KCNK10: variants seen among roughly 807,000 people sequenced by gnomAD.
KCNK10 encodes the protein potassium channel subfamily K member 10.
In KCNK10, 25 loss-of-function variants were observed where a neutral mutation model predicts 47.7. The ratio of observed to expected loss-of-function variants is 0.52; its 90% CI spans 0.38 to 0.73. The LOEUF is 0.73. KCNK10 is among the 30% of genes least tolerant of loss of function. The probability of loss-of-function intolerance (pLI) is 0.00; values close to 1 mark genes in which losing one functional copy is unlikely to be tolerated. For missense variants in KCNK10, 563 were observed against 714.5 expected (o/e 0.79, Z 2.42); for synonymous variants, 303 against 285.6 (o/e 1.06, Z -0.61).
At chr14:88,257,890 A>G (rs572276118) in intron 2 of KCNK10, among the ~76,000 whole-genome samples, 12 of 152,142 alleles carry the variant, frequency 7.9e-5, no homozygotes, top group Non-Finnish European at 1.6e-4. Context: ...GTTGAACTGG[A>G]TAATTCTTTG....
chr14:88,210,021 G>A (rs1885405218), intron 4 of KCNK10, among the ~76,000 whole-genome samples: 1 of 152,210 alleles, frequency 6.6e-6, no homozygotes, highest in Non-Finnish European at 1.5e-5. Context: ...GACTTAACAA[G>A]TCCCTCTCTG....
chr14:88,291,658 G>A (rs1377668175), intron 1 of KCNK10, among the ~76,000 whole-genome samples: 1 of 152,146 alleles, frequency 6.6e-6, no homozygotes, highest in Non-Finnish European at 1.5e-5. Flanking sequence ...TGAACTCAGG[G>A]CTGCCACATT....
intron 4 of KCNK10, among the ~76,000 whole-genome samples, chr14:88,209,820 T>G (rs1268646800): frequency 1.3e-5 from 2 of 152,150 alleles, no homozygotes; most frequent in Admixed American, 6.5e-5. Context: ...CTCTCTCCTC[T>G]CTAATCAATT....
At chr14:88,323,294 G>A (rs760138732), upstream of KCNK10, 772 of 985,558 alleles carry the variant, frequency 7.8e-4, no homozygotes, top group Non-Finnish European at 8.8e-4. Context: ...GCCTCGCTCG[G>A]CCGCGCTGAG....
chr14:88,322,852 T>C lies in KCNK10; in HGVS notation c.-54A>G. ...GAAAAGAACCCAAATAATAATAAAG[T>C]CCTCAAGCTTTACACGCCTCGGTTT... On this transcript the variant is annotated 5_prime_UTR_variant, in exon 1 of 7. Coordinates refer to ENST00000319231, the MANE Select transcript of KCNK10 (RefSeq NM_138317.3). This position sits in a 1 kb window ranked among gnomAD's most constrained non-coding sequence, Gnocchi z 4.8. 1 of 1,613,368 alleles carries C rather than the reference T, an allele frequency of 6.2e-7. No individual in the cohort carries two copies. The highest frequency in any genetic ancestry group is 1.7e-5 in the Admixed American group (1 of 59,986).
At chr14:88,275,440 C>T (rs925311591) in intron 1 of KCNK10, among the ~76,000 whole-genome samples, 1 of 152,128 alleles carries the variant, frequency 6.6e-6, no homozygotes, top group Non-Finnish European at 1.5e-5. Context: ...TCCATTCCAT[C>T]TCAACCACTA....
chr14:88,262,888 A>T (rs979946452), intron 2 of KCNK10, among the ~76,000 whole-genome samples: 6 of 152,168 alleles, frequency 3.9e-5, no homozygotes, highest in African/African-American at 1.4e-4. Context: ...CATTCCACAG[A>T]GTTCAGAATC....
intron 5 of KCNK10, among the ~76,000 whole-genome samples, chr14:88,191,357 A>ACACACACACACACACACAC (rs1884742604): frequency 6.6e-6 from 1 of 151,974 alleles, no homozygotes; most frequent in Non-Finnish European, 1.5e-5. Flanking sequence ...ACACACACAC[A>ACACACACACACACACACAC]CACACACTCC....
rs1885600742 is a variant in KCNK10, at chr14:88,215,836, GTAGTTC to G, written c.681+11533_681+11538del. ...AAACGCTATCCAGGCAGTATTTTAAGTAGTTCTATTTTAGGCAATGTTTGATATCTT... is the reference window on the plus strand; with the variant it reads ...AAACGCTATCCAGGCAGTATTTTAAGTATTTTAGGCAATGTTTGATATCTT... On this transcript the variant is annotated intron_variant, in intron 4 of 6. Coordinates refer to ENST00000319231, the MANE Select transcript of KCNK10 (RefSeq NM_138317.3). Among the ~76,000 whole-genome samples, 2 of 152,184 alleles carry G rather than the reference GTAGTTC, an allele frequency of 1.3e-5. 1 individual carries two copies. Among genetic ancestry groups the G allele is most frequent in the East Asian group, 3.8e-4 (2 of 5,198 alleles).
intron 1 of KCNK10, among the ~76,000 whole-genome samples, chr14:88,278,432 T>C (rs535925504): frequency 3.9e-5 from 6 of 152,310 alleles, no homozygotes; most frequent in Admixed American, 2.0e-4. Context: ...AGTTATAAAA[T>C]TGTGGGACAC....
Position 88,184,264 on chromosome 14 carries a change from T to A in KCNK10, c.*1271A>T, listed in dbSNP as rs893575889. ...TGTTCCAGTTTTAGTGAGTAACCGA[T>A]GTGAGATGTAGAAACAAGCAAGGAG... On this transcript the variant is annotated 3_prime_UTR_variant, in exon 7 of 7. Coordinates refer to ENST00000319231, the MANE Select transcript of KCNK10 (RefSeq NM_138317.3). 2 of 152,282 alleles carry A rather than the reference T, an allele frequency of 1.3e-5. No individual in the cohort carries two copies. Among genetic ancestry groups the A allele is most frequent in the African/African-American group, 4.8e-5 (2 of 41,442 alleles). The allele number at this position is 152,282 out of a possible 1,614,324, so 9.4% of individuals were successfully genotyped here. A position where few individuals can be genotyped will look rare whatever the true frequency, so the allele number is the denominator to read the frequency against.
At chr14:88,292,843 C>G (rs1467881211) in intron 1 of KCNK10, among the ~76,000 whole-genome samples, 1 of 151,858 alleles carries the variant, frequency 6.6e-6, no homozygotes, top group Non-Finnish European at 1.5e-5. Flanking sequence ...AGGCTGGTCT[C>G]AAGCTCCTGG....
chr14:88,242,841 C>T (rs1396703550), intron 2 of KCNK10, among the ~76,000 whole-genome samples: 1 of 152,160 alleles, frequency 6.6e-6, no homozygotes, highest in Non-Finnish European at 1.5e-5. Flanking sequence ...CTGATGAGCC[C>T]ACTTGGAAAT....
intron 1 of KCNK10, among the ~76,000 whole-genome samples, chr14:88,274,632 G>A (rs1339106508): frequency 2.0e-5 from 3 of 148,026 alleles, no homozygotes; most frequent in East Asian, 2.1e-4. Flanking sequence ...AAATCTGTTC[G>A]CTGTGTCCCA....
chr14:88,288,190 C>T (rs992643427), intron 1 of KCNK10, among the ~76,000 whole-genome samples: 2 of 152,154 alleles, frequency 1.3e-5, no homozygotes, highest in African/African-American at 2.4e-5. Flanking sequence ...GCAAAATGTA[C>T]AGCTCTAACG....
At chr14:88,211,892 C>T (rs1885467716) in intron 4 of KCNK10, among the ~76,000 whole-genome samples, 1 of 93,560 alleles carries the variant, frequency 1.1e-5, no homozygotes, top group Non-Finnish European at 2.2e-5. Context: ...TAGACTTCAT[C>T]TCAAAAAAAA....
At chr14:88,290,485 A>G (rs375041775) in intron 1 of KCNK10, among the ~76,000 whole-genome samples, 23 of 152,356 alleles carry the variant, frequency 1.5e-4, no homozygotes, top group African/African-American at 4.8e-4. Context: ...TGCAATTAGT[A>G]ACATGTTCTG....
chr14:88,200,775 A>G (rs1302430305), intron 4 of KCNK10, among the ~76,000 whole-genome samples: 1 of 152,228 alleles, frequency 6.6e-6, no homozygotes, highest in Non-Finnish European at 1.5e-5. Flanking sequence ...TTCACCGGTG[A>G]GTAAAACAAA....
At chr14:88,211,179 G>T (rs2139850921) in intron 4 of KCNK10, among the ~76,000 whole-genome samples, 1 of 152,304 alleles carries the variant, frequency 6.6e-6, no homozygotes, top group South Asian at 2.1e-4. Flanking sequence ...AGCCTTGAAA[G>T]GAAGGAAATT....
Sources: gnomAD v4.1 joint callset for allele counts (sites outside exome capture counted in the v4.1 genomes callset) on GRCh38, gnomAD v4.1.1 for gene constraint, Gnocchi (gnomAD v3.1) non-coding constraint, MANE v1.5 for transcripts, NCBI Gene and HGNC (gene_info 2026-07-23, HGNC 2026-07-21) for gene names.